FOXN2: variants seen among roughly 807,000 people sequenced by gnomAD.
FOXN2 encodes forkhead box N2.
FOXN2 carries 19 observed loss-of-function variants against 41.2 expected under a neutral mutation model. The ratio of observed to expected loss-of-function variants is 0.46; its 90% CI spans 0.32 to 0.68. The LOEUF (loss-of-function observed/expected upper bound fraction) is 0.68, where lower values mean the gene tolerates loss of function less well. FOXN2 is among the 30% of genes least tolerant of loss of function. The pLI is 0.03. For missense variants in FOXN2, 587 were observed against 509.4 expected, an observed-to-expected ratio of 1.15 and a Z score of -1.47; for synonymous variants, 195 against 176.8, an observed-to-expected ratio of 1.10 and a Z score of -0.82.
Position 48,375,037 on chromosome 2 carries a change from A to T in FOXN2, c.890A>T (p.Asp297Val). Residue 297 changes from aspartate to valine, a missense_variant, in exon 7 of 7, where the codon GAT becomes GTT. Transcript: ENST00000340553. ...AGTGATTCTTTAGCCACCAGCATTG[A>T]TCCAAAAGAAGATCACAATTACAGT... is the stretch of plus-strand genomic sequence containing the variant. ...QESDSLATSI[D>V]PKEDHNYSAS... 1.9e-6 allele frequency: 3 copies of T among 1,614,080 alleles called. No individual in the cohort carries two copies. The highest frequency in any genetic ancestry group is 2.5e-6 in the Non-Finnish European group (3 of 1,179,976).
Position 48,375,255 on chromosome 2 carries a change from C to G in FOXN2, c.1108C>G (p.Gln370Glu). Residue 370 changes from glutamine (Q) to glutamate (E), a missense_variant, in exon 7 of 7, where the codon CAG becomes GAG. Gln to Glu is a conservative substitution (Grantham distance 29). Transcript: ENST00000340553. Reference sequence around the variant, plus strand: ...TCTTGGAGACAGTGGCTATGCATCACAGCCTTGTGCAAAAATCTCTGAAAA... The same window carrying G: ...TCTTGGAGACAGTGGCTATGCATCAGAGCCTTGTGCAAAAATCTCTGAAAA... ...DPLGDSGYAS[Q>E]PCAKISEKGQ... 6.2e-7 allele frequency: 1 copy of G among 1,614,030 alleles called. No homozygotes were observed. Among genetic ancestry groups the G allele is most frequent in the African/African-American group, 1.3e-5 (1 of 75,028 alleles).
chr2:48,351,518 G>A (rs943189634), intron 3 of FOXN2, among the ~76,000 whole-genome samples: 1 of 152,158 alleles, frequency 6.6e-6, no homozygotes, highest in Admixed American at 6.5e-5. Context: ...CTGGTTTTGT[G>A]GAAGACAGTT....
chr2:48,348,746 G>A (rs760522967), intron 3 of FOXN2, among the ~76,000 whole-genome samples: 10 of 152,206 alleles, frequency 6.6e-5, no homozygotes. Context: ...TACAGAGATG[G>A]ACTGCCAATA....
At chr2:48,317,121 G>A (rs559926646) in intron 1 of FOXN2, among the ~76,000 whole-genome samples, 21 of 152,278 alleles carry the variant, frequency 1.4e-4, no homozygotes, top group African/African-American at 4.8e-4. Flanking sequence ...GAGATCAGGA[G>A]TTCAAGTCCA....
Position 48,347,533 on chromosome 2 carries a change from T to TTGTGTGTGTG in FOXN2, c.537+800_537+809dup, listed in dbSNP as rs113177559. Among the ~76,000 whole-genome samples, 141 of 148,130 alleles carry TTGTGTGTGTG rather than the reference T, an allele frequency of 9.5e-4. 2 individuals are homozygous for TTGTGTGTGTG. In the East Asian group the frequency reaches 9.9e-3, roughly 10 times the overall value. On this transcript the variant is annotated intron_variant, in intron 3 of 6. Coordinates refer to ENST00000340553, the MANE Select transcript of FOXN2 (RefSeq NM_002158.4). ...TGAGCCACTGTGCCCAGCCGAGGTG[T>TTGTGTGTGTG]TGTGTGTGTGTGTGTGTGTGTGTGT...
rs752572938 is a variant in FOXN2 at position 48,378,626 on chromosome 2, G to T, written c.*3183G>T. The T allele has an allele frequency of 6.6e-6, 1 of 151,714 alleles. No homozygotes were observed. The highest frequency in any genetic ancestry group is 1.5e-5 in the Non-Finnish European group (1 of 67,846). 9.4% of individuals were successfully genotyped at this position (151,714 alleles called of 1,614,324 possible). The stretch of plus-strand genomic sequence containing the variant: ...TTAACACCCTTTTGTGAAGATCACA[G>T]CATTTATCTAAGAAACTGTGAGGCT... On this transcript the variant is annotated 3_prime_UTR_variant, in exon 7 of 7. Coordinates refer to ENST00000340553, the MANE Select transcript of FOXN2 (RefSeq NM_002158.4).
chr2:48,323,721 T>A (rs1350248118), intron 1 of FOXN2, among the ~76,000 whole-genome samples: 1 of 152,200 alleles, frequency 6.6e-6, no homozygotes, highest in Non-Finnish European at 1.5e-5. Flanking sequence ...CAGAAGCTTT[T>A]TAGCTGATTA....
chr2:48,328,234 CTT>C (rs1190718520), intron 1 of FOXN2, among the ~76,000 whole-genome samples: 1 of 152,024 alleles, frequency 6.6e-6, no homozygotes, highest in Admixed American at 6.6e-5. Context: ...AACTTTGTTC[CTT>C]TCAGTGTTGT....
chr2:48,365,726 T>G (rs1672487300), intron 5 of FOXN2, among the ~76,000 whole-genome samples: 1 of 152,200 alleles, frequency 6.6e-6, no homozygotes, highest in Admixed American at 6.5e-5. Flanking sequence ...TAGTAATAAT[T>G]AACTTAGTGG....
chr2:48,376,671 A>G lies in FOXN2; in HGVS notation c.*1228A>G, dbSNP rs2104554802. ...AGTGCTTTGACTAAGTATCTTAACT[A>G]TTTGAACAGTCTGCTTATATGAGAC... On this transcript the variant is annotated 3_prime_UTR_variant, in exon 7 of 7. Coordinates refer to ENST00000340553, the MANE Select transcript of FOXN2 (RefSeq NM_002158.4). 6.6e-6 allele frequency: 1 copy of G among 152,606 alleles called. No individual in the cohort carries two copies. The highest frequency in any genetic ancestry group is 2.1e-4 in the South Asian group (1 of 4,834). 9.5% of individuals were successfully genotyped at this position (152,606 alleles called of 1,614,324 possible).
intron 3 of FOXN2, among the ~76,000 whole-genome samples, chr2:48,356,944 A>G (rs1448778131): frequency 6.6e-6 from 1 of 152,232 alleles, no homozygotes; most frequent in African/African-American, 2.4e-5. Context: ...ACAGAAGGCT[A>G]TTTTGTTATA....
chr2:48,316,177 C>T (rs1334129818), intron 1 of FOXN2, among the ~76,000 whole-genome samples: 2 of 151,984 alleles, frequency 1.3e-5, no homozygotes, highest in African/African-American at 4.8e-5. Flanking sequence ...CTGTTCCATC[C>T]GAATCTTAAG....
Position 48,375,437 on chromosome 2 carries a change from A to C in FOXN2, c.1290A>C (p.Lys430Asn). Residue 430 changes from lysine to asparagine, a missense_variant, in exon 7 of 7, where the codon AAA becomes AAC. Coordinates refer to ENST00000340553, the MANE Select transcript of FOXN2 (RefSeq NM_002158.4). ...AGACACAAAATCAAAAGCAACGGAA[A>C]AAATAGAAATACTTAAAGTGTGGCA... Reference protein sequence around the residue: ...TAKTQNQKQRKK With the variant: ...TAKTQNQKQRNK The C allele has an allele frequency of 1.2e-6, 2 of 1,603,434 alleles. No individual in the cohort carries two copies. The highest frequency in any genetic ancestry group is 1.7e-6 in the Non-Finnish European group (2 of 1,174,804).
intron 1 of FOXN2, among the ~76,000 whole-genome samples, chr2:48,316,564 TTTG>T (rs1668932061): frequency 6.6e-6 from 1 of 152,206 alleles, no homozygotes; most frequent in African/African-American, 2.4e-5. Flanking sequence ...ATATGTGTGC[TTTG>T]TAAAGCTTTT....
chr2:48,362,676 A>G lies in FOXN2; in HGVS notation c.672A>G (p.Val224=), dbSNP rs781560843. ...TATCACCTCACTATTTAAGCTCTGT[A>G]ATCAAGCAGAACCAGGTGCGAAACC... The part of the protein sequence containing the change: ...GSLSPHYLSS[V]IKQNQVRNLK... Residue 224 remains valine (V), a synonymous_variant, in exon 5 of 7, where the codon GTA becomes GTG. Transcript: ENST00000340553. The G allele has an allele frequency of 6.2e-7, 1 of 1,614,056 alleles. No individual in the cohort carries two copies. The highest frequency in any genetic ancestry group is 1.7e-5 in the Admixed American group (1 of 60,012).
At chr2:48,321,332 G>T (rs1330958888) in intron 1 of FOXN2, among the ~76,000 whole-genome samples, 3 of 152,080 alleles carry the variant, frequency 2.0e-5, no homozygotes, top group African/African-American at 7.2e-5. Flanking sequence ...TCAGGAGATC[G>T]AGACCGTCTG....
chr2:48,377,234 C>T lies in FOXN2; in HGVS notation c.*1791C>T, dbSNP rs781305571. On this transcript the variant is annotated 3_prime_UTR_variant, in exon 7 of 7. Transcript: ENST00000340553. ...AGGTATTTGGGTTTTTTTTTTAGAT[C>T]GATCACATCTACAGAAAATGGCTAA... 6.6e-6 allele frequency: 1 copy of T among 150,666 alleles called. No individual in the cohort carries two copies. The highest frequency in any genetic ancestry group is 1.5e-5 in the Non-Finnish European group (1 of 67,594). 9.3% of individuals were successfully genotyped at this position (150,666 alleles called of 1,614,324 possible). A position where few individuals can be genotyped will look rare whatever the true frequency, so the allele number is the denominator to read the frequency against.
intron 2 of FOXN2, among the ~76,000 whole-genome samples, chr2:48,340,046 C>G (rs1020030909): frequency 6.6e-6 from 1 of 152,136 alleles, no homozygotes; most frequent in Admixed American, 6.5e-5. Flanking sequence ...ATGTGGAAGG[C>G]TAAGTAATGT....
chr2:48,368,090 C>T (rs7607056), intron 5 of FOXN2, among the ~76,000 whole-genome samples: 1 of 152,172 alleles, frequency 6.6e-6, no homozygotes, highest in African/African-American at 2.4e-5. Context: ...GATCCACCCA[C>T]CTCGGCCTCC....
Sources: allele counts gnomAD v4.1 joint callset (sites outside exome capture counted in the v4.1 genomes callset), GRCh38; gene constraint gnomAD v4.1.1; transcripts MANE v1.5; gene names NCBI Gene and HGNC (gene_info 2026-07-23, HGNC 2026-07-21).